Variants in NKD2 observed in about 807,000 individuals in gnomAD.
NKD2 encodes NKD inhibitor of Wnt signaling pathway 2, also known as protein naked cuticle homolog 2.
Under a neutral mutation model 34.8 loss-of-function variants are expected in NKD2, and 43 were observed. That is an observed-to-expected ratio of 1.24 (90% CI 0.97 to 1.60). NKD2 has a LOEUF of 1.60. Among genes scored for constraint, NKD2 ranks in the 40% most tolerant of loss-of-function variants. NKD2 has a pLI of 0.00. For synonymous variants in NKD2, 278 were observed against 265.1 expected (o/e 1.05, Z -0.47); for missense variants, 675 against 627.1 (o/e 1.08, Z -0.82).
chr5:1,027,765 A>G (rs1329413114), intron 3 of NKD2, among the ~76,000 whole-genome samples: 1 of 152,132 alleles, frequency 6.6e-6, no homozygotes, highest in Non-Finnish European at 1.5e-5. Context: ...CCAGGAGGGG[A>G]CAGCGCCTCC....
At chr5:1,027,252 A>G (rs376564386) in intron 3 of NKD2, among the ~76,000 whole-genome samples, 123 of 152,332 alleles carry the variant, frequency 8.1e-4, no homozygotes, top group African/African-American at 2.4e-3. Flanking sequence ...CTGGGGAGCC[A>G]GAGTGCAGCC....
rs1250788528 is a variant in NKD2 at position 1,009,820 on chromosome 5, G to A, written c.141+260G>A. 1.3e-5 allele frequency among the ~76,000 whole-genome samples: 2 copies of A among 152,124 alleles called. No homozygotes were observed. Among genetic ancestry groups the A allele is most frequent in the Non-Finnish European group, 2.9e-5 (2 of 68,022 alleles). On this transcript the variant is annotated intron_variant, in intron 3 of 9. Transcript: ENST00000296849. The surrounding 1 kb of genome is among the most constrained non-coding windows in gnomAD (Gnocchi z 6.9). ...AATTCCTTGTCCTAGGCTGGGAGCC[G>A]TGTGGGGGCTCCATGTTTCGGGCTG...
chr5:1,017,772 T>A (rs1476567380), intron 3 of NKD2, among the ~76,000 whole-genome samples: 1 of 151,896 alleles, frequency 6.6e-6, no homozygotes, highest in Non-Finnish European at 1.5e-5. Context: ...GGGCTCTGGG[T>A]GCTGGGGTGC....
rs1734042243 is a variant in NKD2 at position 1,037,464 on chromosome 5, T to G, written c.788-341T>G. 30 of 1,479,252 alleles carry G rather than the reference T, an allele frequency of 2.0e-5. No individual in the cohort carries two copies. In the South Asian group the frequency reaches 3.5e-4, roughly 17 times the overall value. The allele number at this position is 1,479,252 out of a possible 1,614,324, so 91.6% of individuals were successfully genotyped here. A position where few individuals can be genotyped will look rare whatever the true frequency, so the allele number is the denominator to read the frequency against. On this transcript the variant is annotated intron_variant, in intron 9 of 9. Transcript: ENST00000296849. Reference sequence around the variant, plus strand: ...GTAATGAGGGTTTAGGGGATGCGAATCCTGGGGGCGCCCTCCCTGATATAA... The same window carrying G: ...GTAATGAGGGTTTAGGGGATGCGAAGCCTGGGGGCGCCCTCCCTGATATAA...
At chr5:1,015,502 A>G (rs1025115251) in intron 3 of NKD2, among the ~76,000 whole-genome samples, 1 of 152,318 alleles carries the variant, frequency 6.6e-6, no homozygotes, top group East Asian at 1.9e-4. Flanking sequence ...TGGAGCTCTG[A>G]AGGCTGAGCC....
intron 3 of NKD2, among the ~76,000 whole-genome samples, chr5:1,029,947 A>AG (rs1232960606): frequency 6.8e-6 from 1 of 146,694 alleles, no homozygotes; most frequent in Admixed American, 6.8e-5. Flanking sequence ...AGCACCATGC[A>AG]GGAGGCCTGA....
intron 6 of NKD2, 48 bp from the exon 7 acceptor site, chr5:1,034,708 G>A: frequency 1.3e-6 from 2 of 1,578,482 alleles, no homozygotes; most frequent in Non-Finnish European, 1.7e-6. Flanking sequence ...AGGGCGGGTG[G>A]TGTCCCCTGG....
chr5:1,029,760 C>T (rs373551543), intron 3 of NKD2, among the ~76,000 whole-genome samples: 31 of 152,342 alleles, frequency 2.0e-4, no homozygotes, highest in East Asian at 1.7e-3. Flanking sequence ...ACCGCACCTC[C>T]GGCTCCTCTG....
chr5:1,036,261 C>T lies in NKD2; in HGVS notation c.664C>T (p.Pro222Ser), dbSNP rs2150751176. The change falls in exon 9 of 10, where the codon CCC (proline) becomes TCC (serine). Residue 222 changes from proline to serine, a missense_variant. By Grantham distance (74) the Pro-to-Ser change is moderately conservative. Transcript: ENST00000296849. Reference protein sequence around the residue: ...DRRLSAHVRRPSTDPQPCSER... With the variant: ...DRRLSAHVRRSSTDPQPCSER... ...CCTTCTCTGTGCTCCAAGCAGGAGG[C>T]CCAGTACTGACCCCCAGCCCTGCTC... is the stretch of plus-strand genomic sequence containing the variant. 6.2e-7 allele frequency: 1 copy of T among 1,603,056 alleles called. No homozygotes were observed. Among genetic ancestry groups the T allele is most frequent in the South Asian group, 1.1e-5 (1 of 89,260 alleles).
At position 1,013,689 on chromosome 5, in the gene NKD2, GGTGCTGACTGGGAGAGC is replaced by G. The variant is rs543922305; in HGVS notation, c.141+4146_141+4162del. Among the ~76,000 whole-genome samples the G allele has an allele frequency of 4.8e-3, 730 of 152,328 alleles. 6 individuals carry two copies. Among genetic ancestry groups the G allele is most frequent in the African/African-American group, 0.017 (698 of 41,580 alleles). On this transcript the variant is annotated intron_variant, in intron 3 of 9. Coordinates refer to ENST00000296849, the MANE Select transcript of NKD2 (RefSeq NM_033120.4). ...CCCTGTCCTGCAGCAGGGGCTCTGG[GGTGCTGACTGGGAGAGC>G]GTGCTGACTGGGAGAGGCTGCTGCC...
At chr5:1,015,206 C>T (rs1380752434) in intron 3 of NKD2, among the ~76,000 whole-genome samples, 3 of 152,220 alleles carry the variant, frequency 2.0e-5, no homozygotes, top group South Asian at 2.1e-4. Flanking sequence ...GGGCCTGATT[C>T]GTACTGCACA....
intron 3 of NKD2, among the ~76,000 whole-genome samples, chr5:1,012,219 ATGT>A (rs1755778749): frequency 6.6e-6 from 1 of 152,252 alleles, no homozygotes; most frequent in Admixed American, 6.5e-5. Context: ...GTTAACTGGA[ATGT>A]TGTTGTGAAT....
chr5:1,036,116 A>C, intron 8 of NKD2, 141 bp from the exon 9 acceptor site: 5 of 1,346,812 alleles, frequency 3.7e-6, no homozygotes, highest in Non-Finnish European at 4.8e-6. Context: ...CCAGGCGTCC[A>C]CTCTCCTTCC....
intron 7 of NKD2, 39 bp downstream of exon 7, chr5:1,034,942 A>G: frequency 6.4e-7 from 1 of 1,566,366 alleles, no homozygotes; most frequent in Non-Finnish European, 8.7e-7. Context: ...ACCCTACCCA[A>G]CATTGGCAGG....
chr5:1,009,227 G>T lies in NKD2; in HGVS notation c.61+13G>T. The stretch of plus-strand genomic sequence containing the variant: ...GAGAGCCCGGAAGGTGAGCGGGCGA[G>T]CCGACGGGCGGGGCGGGGGGCGGCG... On this transcript the variant is annotated intron_variant, in intron 2 of 9. Coordinates refer to ENST00000296849, the MANE Select transcript of NKD2 (RefSeq NM_033120.4). The surrounding 1 kb of genome is among the most constrained non-coding windows in gnomAD (Gnocchi z 6.9). 2.0e-6 allele frequency: 1 copy of T among 501,862 alleles called. No homozygotes were observed. The highest frequency in any genetic ancestry group is 3.5e-6 in the Non-Finnish European group (1 of 288,486). The allele number at this position is 501,862 out of a possible 1,614,324, so 31.1% of individuals were successfully genotyped here.
At position 1,037,974 on chromosome 5, in the gene NKD2, G is replaced by A. The variant is rs201037551; in HGVS notation, c.957G>A (p.Thr319=). The part of the protein sequence containing the change: ...ASEPAARALD[T]QPRPKGPEKQ... The stretch of plus-strand genomic sequence containing the variant: ...AGCCTGCTGCCCGGGCCCTGGACAC[G>A]CAGCCCCGGCCGAAGGGGCCGGAGA... Residue 319 remains threonine (T), a synonymous_variant, in exon 10 of 10, where the codon ACG becomes ACA. Transcript: ENST00000296849. 3.1e-5 allele frequency: 49 copies of A among 1,605,032 alleles called. 1 individual carries two copies. In the South Asian group the frequency reaches 4.3e-4, roughly 14 times the overall value.
chr5:1,010,407 C>T (rs1389111079), intron 3 of NKD2, among the ~76,000 whole-genome samples: 4 of 152,266 alleles, frequency 2.6e-5, no homozygotes, highest in South Asian at 2.1e-4. Context: ...TGCCGGGTCA[C>T]GCAATCAGTT....
chr5:1,026,561 CCCT>C (rs1756415446), intron 3 of NKD2, among the ~76,000 whole-genome samples: 1 of 67,376 alleles, frequency 1.5e-5, no homozygotes, highest in Non-Finnish European at 3.9e-5. Context: ...GCTCTTCCCA[CCCT>C]CTGTGGGTGT....
intron 8 of NKD2, 67 bp downstream of exon 8, chr5:1,035,540 C>CCCGCAGG: frequency 2.3e-6 from 3 of 1,287,802 alleles, no homozygotes; most frequent in South Asian, 1.3e-5. Context: ...ACCCCTGCTT[C>CCCGCAGG]CCGCAGGCCA....
Sources: allele counts gnomAD v4.1 joint callset (sites outside exome capture counted in the v4.1 genomes callset), GRCh38; gene constraint gnomAD v4.1.1; non-coding constraint Gnocchi (gnomAD v3.1); transcripts MANE v1.5; gene names NCBI Gene and HGNC (gene_info 2026-07-23, HGNC 2026-07-21).